Variants in LRFN2 observed in about 807,000 individuals in gnomAD.
LRFN2 encodes leucine rich repeat and fibronectin type III domain containing 2, also known as leucine-rich repeat and fibronectin type-III domain-containing protein 2.
A neutral mutation model predicts 37.3 loss-of-function variants in LRFN2; 18 were observed. That is an observed-to-expected ratio of 0.48 (90% CI 0.33 to 0.72). The LOEUF (loss-of-function observed/expected upper bound fraction) is 0.72. Among genes scored for constraint, LRFN2 ranks in the 30% least tolerant of loss-of-function variants. LRFN2 has a pLI of 0.02. For synonymous variants in LRFN2, 556 were observed against 466.6 expected (o/e 1.19, Z -2.47); for missense variants, 1,006 against 1,060.7 (o/e 0.95, Z 0.72).
rs878870919 is a variant in LRFN2, at chr6:40,392,177, C to T, written c.2136G>A (p.Leu712=). Residue 712 remains leucine, a synonymous_variant, in exon 3 of 3, where the codon TTG becomes TTA. Transcript: ENST00000338305. The surrounding 1 kb of genome is among the most constrained non-coding windows in gnomAD (Gnocchi z 4.7). ...PAARARSLLP[L]PLEGKAKRSH... ...TGCGTTTGGCCTTGCCCTCCAACGG[C>T]AAGGGGAGCAGGCTCCTGGCCCGGG... 1.9e-6 allele frequency: 3 copies of T among 1,595,908 alleles called. No individual in the cohort carries two copies. Among genetic ancestry groups the T allele is most frequent in the Non-Finnish European group, 2.6e-6 (3 of 1,170,630 alleles).
intron 1 of LRFN2, among the ~76,000 whole-genome samples, chr6:40,441,512 G>C (rs1186843024): frequency 6.6e-6 from 1 of 152,160 alleles, no homozygotes; most frequent in Non-Finnish European, 1.5e-5. Flanking sequence ...TCTGCCTGAG[G>C]AAGAGAGAGG....
At position 40,432,820 on chromosome 6, in the gene LRFN2, G is replaced by T. The variant is rs775541332; in HGVS notation, c.294C>A (p.Asp98Glu). 1 of 1,614,102 alleles carries T rather than the reference G, an allele frequency of 6.2e-7. No individual in the cohort carries two copies. The highest frequency in any genetic ancestry group is 8.5e-7 in the Non-Finnish European group (1 of 1,180,048). Residue 98 changes from aspartate (D) to glutamate (E), a missense_variant, in exon 2 of 3, where the codon GAC becomes GAA. By Grantham distance (45) the Asp-to-Glu change is conservative. Transcript: ENST00000338305. ...ISHIQPFSFL[D>E]LESLRSLHLD... is the part of the protein sequence containing the mutation. ...GATGCAGGGAGCGGAGGCTCTCGAG[G>T]TCCAGAAAGGAAAAGGGCTGGATGT...
chr6:40,475,690 A>C (rs1261406024), intron 1 of LRFN2, among the ~76,000 whole-genome samples: 1 of 152,066 alleles, frequency 6.6e-6, no homozygotes, highest in Non-Finnish European at 1.5e-5. Flanking sequence ...CACATTTCCT[A>C]CTCTGTCGAC....
chr6:40,424,079 A>T (rs1158866008), intron 2 of LRFN2, among the ~76,000 whole-genome samples: 1 of 152,166 alleles, frequency 6.6e-6, no homozygotes, highest in Non-Finnish European at 1.5e-5. Flanking sequence ...TTTTTCTGTG[A>T]TGCCTCTAGC....
At position 40,489,348 on chromosome 6, in the gene LRFN2, C is replaced by T. The variant is rs146424651; in HGVS notation, c.-18-56217G>A. ...TTGGAATAAGCTCATTGGACCTCTT[C>T]ACTCCACAGATGGCGAAACTGAGGA... is the stretch of plus-strand genomic sequence containing the variant. On this transcript the variant is annotated intron_variant, in intron 1 of 2. Coordinates refer to ENST00000338305, the MANE Select transcript of LRFN2 (RefSeq NM_020737.3). 2.7e-3 allele frequency among the ~76,000 whole-genome samples: 413 copies of T among 152,348 alleles called. 2 individuals are homozygous for T. The highest frequency in any genetic ancestry group is 9.6e-3 in the African/African-American group (399 of 41,582).
At chr6:40,397,833 G>A (rs888868827) in intron 2 of LRFN2, among the ~76,000 whole-genome samples, 1 of 147,432 alleles carries the variant, frequency 6.8e-6, no homozygotes, top group African/African-American at 2.4e-5. Context: ...GAAGCATGTA[G>A]GCCAGTGCTG....
intron 2 of LRFN2, among the ~76,000 whole-genome samples, chr6:40,411,384 T>G (rs1762963299): frequency 6.6e-6 from 1 of 152,206 alleles, no homozygotes. Context: ...TATGTGAGTG[T>G]GACTGTGCGT....
chr6:40,586,773 T>C (rs886826607), intron 1 of LRFN2, among the ~76,000 whole-genome samples, 168 bp downstream of exon 1: 1 of 152,034 alleles, frequency 6.6e-6, no homozygotes, highest in African/African-American at 2.4e-5. Context: ...GCGATAAGGA[T>C]GGGCGAAAAG....
Position 40,583,887 on chromosome 6 carries a change from TG to T in LRFN2, c.-19+3053del, listed in dbSNP as rs369002834. ...GAGAAGACTGGGTGCTGGCGGCGGT[TG>T]GGGGGGTATTTTACATTCAAACCTC... On this transcript the variant is annotated intron_variant, in intron 1 of 2. Transcript: ENST00000338305. 5.1e-4 allele frequency among the ~76,000 whole-genome samples: 78 copies of T among 152,112 alleles called. 2 individuals carry two copies. The East Asian group carries it at 0.011, about 22-fold the overall frequency.
chr6:40,434,865 G>T (rs1044987423), intron 1 of LRFN2, among the ~76,000 whole-genome samples: 8 of 151,518 alleles, frequency 5.3e-5, no homozygotes, highest in Non-Finnish European at 7.4e-5. Context: ...GCCTACTCTT[G>T]CTTTCTCTCA....
chr6:40,541,996 C>A (rs1766562737), intron 1 of LRFN2, among the ~76,000 whole-genome samples: 1 of 152,392 alleles, frequency 6.6e-6, no homozygotes. Context: ...TCCACACCAC[C>A]AGCTCAGTAT....
intron 1 of LRFN2, among the ~76,000 whole-genome samples, chr6:40,543,104 A>G (rs1158157224): frequency 5.9e-5 from 9 of 152,238 alleles, no homozygotes; most frequent in Admixed American, 5.9e-4. Flanking sequence ...TGATATTCTG[A>G]AGTAATCTTG....
At chr6:40,461,343 G>A (rs1349576952) in intron 1 of LRFN2, among the ~76,000 whole-genome samples, 4 of 152,044 alleles carry the variant, frequency 2.6e-5, no homozygotes, top group African/African-American at 9.7e-5. Flanking sequence ...AGGAGTTCAA[G>A]GCTGCAGTGA....
At chr6:40,470,891 C>T (rs1036622800) in intron 1 of LRFN2, among the ~76,000 whole-genome samples, 1 of 152,232 alleles carries the variant, frequency 6.6e-6, no homozygotes, top group Non-Finnish European at 1.5e-5. Flanking sequence ...TGGGTGGTTG[C>T]ACCACAGATG....
chr6:40,536,169 G>A (rs1447495017), intron 1 of LRFN2, among the ~76,000 whole-genome samples: 2 of 152,098 alleles, frequency 1.3e-5, no homozygotes, highest in Non-Finnish European at 2.9e-5. Context: ...GGCAAACCTC[G>A]AGGAGAGAGC....
At chr6:40,507,860 G>A (rs546101825) in intron 1 of LRFN2, among the ~76,000 whole-genome samples, 1 of 152,318 alleles carries the variant, frequency 6.6e-6, no homozygotes, top group African/African-American at 2.4e-5. Flanking sequence ...TCAGAGACAA[G>A]CACTATGATT....
chr6:40,566,733 G>T (rs930818350), intron 1 of LRFN2, among the ~76,000 whole-genome samples: 7 of 151,296 alleles, frequency 4.6e-5, no homozygotes, highest in African/African-American at 1.7e-4. Context: ...GGGGACTGTT[G>T]TGGGGTGGGG....
rs369739868 is a variant in LRFN2 at position 40,392,235 on chromosome 6, G to T, written c.2078C>A (p.Ser693Ter). The change falls in exon 3 of 3, where the codon TCG (serine) becomes TAG (stop). Residue 693 changes from serine (S) to a stop codon, truncating the protein, a stop_gained. Transcript: ENST00000338305. LOFTEE classifies it high-confidence loss of function. This position sits in a 1 kb window ranked among gnomAD's most constrained non-coding sequence, Gnocchi z 4.7. ...GGGCCCCAGCAGTGGCTCTCGGTCC[G>T]AGTGGTGGCCCCGGGCCGACGTCCC... is the stretch of plus-strand genomic sequence containing the variant. ...GAGTSARGHH[S>*]DREPLLGPPA... The T allele has an allele frequency of 6.4e-7, 1 of 1,573,328 alleles. No homozygotes were observed. The highest frequency in any genetic ancestry group is 1.4e-5 in the African/African-American group (1 of 73,910).
At chr6:40,567,873 C>G (rs188186431) in intron 1 of LRFN2, among the ~76,000 whole-genome samples, 265 of 152,234 alleles carry the variant, frequency 1.7e-3, no homozygotes, top group Non-Finnish European at 3.2e-3. Context: ...AGACTATACC[C>G]CACAGATGAA....
Sources: gnomAD v4.1 joint callset for allele counts (sites outside exome capture counted in the v4.1 genomes callset) on GRCh38, gnomAD v4.1.1 for gene constraint, Gnocchi (gnomAD v3.1) non-coding constraint, MANE v1.5 for transcripts, NCBI Gene and HGNC (gene_info 2026-07-23, HGNC 2026-07-21) for gene names.